The following PKD1L1 variants were observed in gnomAD, a reference collection of about 807,000 sequenced individuals.
PKD1L1 encodes polycystin-1-like protein 1.
PKD1L1 carries 236 observed loss-of-function variants against 323.4 expected under a neutral mutation model. That is an observed-to-expected ratio of 0.73 (90% CI 0.66 to 0.81). PKD1L1 has a LOEUF of 0.81. Among genes scored for constraint, PKD1L1 ranks in the 40% least tolerant of loss-of-function variants. The pLI is 0.00. For synonymous variants in PKD1L1, 1,344 were observed against 1,335.0 expected (o/e 1.01, Z -0.15); for missense variants, 3,320 against 3,508.0 (o/e 0.95, Z 1.35).
At chr7:47,831,670 A>G (rs1162609111) in intron 41 of PKD1L1, among the ~76,000 whole-genome samples, 2 of 152,108 alleles carry the variant, frequency 1.3e-5, no homozygotes, top group African/African-American at 2.4e-5. Flanking sequence ...ATTGGTGCTC[A>G]CCTAAGGGTC....
chr7:47,824,874 C>T (rs1456131795), intron 45 of PKD1L1, among the ~76,000 whole-genome samples: 1 of 152,186 alleles, frequency 6.6e-6, no homozygotes, highest in African/African-American at 2.4e-5. Flanking sequence ...CTAGGATATT[C>T]TCATTACAAA....
In PKD1L1 at chr7:47,837,665, G is replaced by T. The variant is rs538010996; in HGVS notation, c.5770-571C>A. 8.1e-4 allele frequency among the ~76,000 whole-genome samples: 124 copies of T among 152,240 alleles called. 1 individual carries two copies. The highest frequency in any genetic ancestry group is 2.7e-3 in the African/African-American group (114 of 41,558). On this transcript the variant is annotated intron_variant, in intron 36 of 56. Coordinates refer to ENST00000289672, the MANE Select transcript of PKD1L1 (RefSeq NM_138295.5). ...ATTTCAACTGGGCTTTGAGTACACT[G>T]AGAGTGGGGCTGAGTCACCTCCACC... is the stretch of plus-strand genomic sequence containing the variant.
At chr7:47,925,778 C>T (rs1787646247) in intron 7 of PKD1L1, among the ~76,000 whole-genome samples, 1 of 152,068 alleles carries the variant, frequency 6.6e-6, no homozygotes, top group Non-Finnish European at 1.5e-5. Context: ...AGTATTTTAC[C>T]CCAAAATATA....
chr7:47,872,082 GGATACAA>G (rs1203877777), intron 24 of PKD1L1, among the ~76,000 whole-genome samples: 4 of 152,192 alleles, frequency 2.6e-5, no homozygotes, highest in African/African-American at 9.7e-5. Context: ...CAGGGTTATA[GGATACAA>G]GATACTCCCC....
intron 41 of PKD1L1, among the ~76,000 whole-genome samples, chr7:47,832,613 C>T (rs777240924): frequency 3.9e-5 from 6 of 152,214 alleles, no homozygotes; most frequent in African/African-American, 1.4e-4. Context: ...CCACACATCC[C>T]TGCCAGGCCA....
At chr7:47,955,224 C>G in the PKD1L1 span, among the ~76,000 whole-genome samples, 46 of 152,204 alleles carry the variant, frequency 3.0e-4, no homozygotes, top group African/African-American at 1.1e-3. Context: ...GGCATAACAT[C>G]AAAATGACAA....
At chr7:47,804,764 C>T (rs1335792163) in intron 52 of PKD1L1, among the ~76,000 whole-genome samples, 2 of 152,120 alleles carry the variant, frequency 1.3e-5, no homozygotes, top group Admixed American at 6.6e-5. Context: ...GGATTATAGG[C>T]GTGAGCCACC....
At chr7:47,783,864 G>T (rs1786750297) in intron 56 of PKD1L1, among the ~76,000 whole-genome samples, 2 of 152,112 alleles carry the variant, frequency 1.3e-5, no homozygotes, top group South Asian at 4.1e-4. Flanking sequence ...ATATTCTTTT[G>T]GGAAATAATT....
intron 46 of PKD1L1, chr7:47,818,205 T>C (rs1306833739): frequency 7.4e-6 from 10 of 1,359,186 alleles, no homozygotes; most frequent in Admixed American, 2.0e-5. Flanking sequence ...GGTGAGCAGA[T>C]ACATCTCTGC....
chr7:47,931,522 C>G (rs893750963), intron 5 of PKD1L1, among the ~76,000 whole-genome samples: 5 of 152,242 alleles, frequency 3.3e-5, no homozygotes, highest in Non-Finnish European at 7.3e-5. Flanking sequence ...TTCCAGCATA[C>G]TAGCCAAGAC....
At chr7:47,871,509 G>A (rs1365099477) in intron 24 of PKD1L1, among the ~76,000 whole-genome samples, 1 of 152,104 alleles carries the variant, frequency 6.6e-6, no homozygotes, top group Non-Finnish European at 1.5e-5. Context: ...CATTTTATAA[G>A]GTGACTAATT....
intron 31 of PKD1L1, among the ~76,000 whole-genome samples, chr7:47,847,380 C>G (rs977208888): frequency 6.6e-6 from 1 of 152,152 alleles, no homozygotes; most frequent in African/African-American, 2.4e-5. Flanking sequence ...GGCCACACCC[C>G]CTGACCTTAG....
intron 45 of PKD1L1, among the ~76,000 whole-genome samples, chr7:47,824,448 C>T (rs765100065): frequency 1.1e-4 from 16 of 152,134 alleles, no homozygotes; most frequent in Non-Finnish European, 1.6e-4. Flanking sequence ...AATAAAGATA[C>T]TAACGCTCCA....
intron 31 of PKD1L1, among the ~76,000 whole-genome samples, chr7:47,852,572 C>T (rs1785805053): frequency 1.3e-5 from 2 of 152,196 alleles, no homozygotes; most frequent in Admixed American, 6.5e-5. Context: ...CTTCAGCCCA[C>T]TGAGCTCCAG....
At chr7:47,849,353 C>A (rs1459068745) in intron 31 of PKD1L1, among the ~76,000 whole-genome samples, 1 of 152,190 alleles carries the variant, frequency 6.6e-6, no homozygotes. Context: ...TAGATAGGAC[C>A]TAGTTAAACC....
chr7:47,895,252 C>T (rs551264480), intron 14 of PKD1L1, among the ~76,000 whole-genome samples: 34 of 152,322 alleles, frequency 2.2e-4, no homozygotes, highest in Non-Finnish European at 2.5e-4. Flanking sequence ...TAGAGAAAGA[C>T]ACAGACCCCC....
In PKD1L1 at chr7:47,818,066, A is replaced by G. The variant is rs748621227; in HGVS notation, c.6966-2609T>C. 5.1e-6 allele frequency: 7 copies of G among 1,367,868 alleles called. No homozygotes were observed. In the South Asian group the frequency reaches 8.0e-5, roughly 16 times the overall value. The allele number at this position is 1,367,868 out of a possible 1,614,324, so 84.7% of individuals were successfully genotyped here. A position where few individuals can be genotyped will look rare whatever the true frequency, so the allele number is the denominator to read the frequency against. ...CTGGTTCTTAACTCTGGACTTCTCT[A>G]CAAGTTTTGTCAAACTATCAAATGC... On this transcript the variant is annotated intron_variant, in intron 46 of 56. Transcript: ENST00000289672.
At chr7:47,836,567 CA>C (rs1423818622) in intron 37 of PKD1L1, among the ~76,000 whole-genome samples, 44 of 152,178 alleles carry the variant, frequency 2.9e-4, no homozygotes, top group Admixed American at 2.9e-3. Flanking sequence ...TTCTTTTGTC[CA>C]GAGGATTTAT....
chr7:47,841,762 T>C (rs976811643), intron 34 of PKD1L1, among the ~76,000 whole-genome samples: 7 of 152,192 alleles, frequency 4.6e-5, no homozygotes, highest in Non-Finnish European at 7.3e-5. Context: ...TTTGATGAAT[T>C]CACTTCTAGG....
Sources: allele counts gnomAD v4.1 joint callset (sites outside exome capture counted in the v4.1 genomes callset), GRCh38; gene constraint gnomAD v4.1.1; transcripts MANE v1.5; gene names NCBI Gene and HGNC (gene_info 2026-07-23, HGNC 2026-07-21).